The following ACBD3 variants were observed in gnomAD, a reference collection of about 807,000 sequenced individuals.
ACBD3 encodes the protein Golgi resident protein GCP60.
In ACBD3, 30 loss-of-function variants were observed where a neutral mutation model predicts 66.9. The ratio of observed to expected loss-of-function variants is 0.45; its 90% CI spans 0.34 to 0.61. The LOEUF (loss-of-function observed/expected upper bound fraction) is 0.61, where lower values mean the gene tolerates loss of function less well. ACBD3 is among the 20% of genes least tolerant of loss of function. ACBD3 has a pLI of 0.02. For synonymous variants in ACBD3, 278 were observed against 259.8 expected, an observed-to-expected ratio of 1.07 and a Z score of -0.68; for missense variants, 544 against 664.5, an observed-to-expected ratio of 0.82 and a Z score of 1.99.
intron 1 of ACBD3, among the ~76,000 whole-genome samples, chr1:226,184,027 G>A (rs755325475): frequency 2.7e-5 from 4 of 149,210 alleles, no homozygotes; most frequent in Non-Finnish European, 5.9e-5. Context: ...TCGTCTCTAC[G>A]AAAAATACAA....
intron 5 of ACBD3, 46 bp from the exon 6 acceptor site, chr1:226,154,879 C>A: frequency 3.3e-6 from 5 of 1,522,808 alleles, no homozygotes; most frequent in Non-Finnish European, 4.4e-6. Flanking sequence ...GGAAGGCTAG[C>A]AAATAAGACA....
At chr1:226,146,891 A>G (rs1659464967) in intron 7 of ACBD3, 70 bp from the exon 8 acceptor site, 1 of 1,444,786 alleles carries the variant, frequency 6.9e-7, no homozygotes. Flanking sequence ...ATTAAAATCT[A>G]TCCTTTCTTT....
intron 1 of ACBD3, among the ~76,000 whole-genome samples, chr1:226,174,086 T>C (rs988018446): frequency 1.3e-5 from 2 of 152,232 alleles, no homozygotes; most frequent in African/African-American, 4.8e-5. Flanking sequence ...TTCTAAATTA[T>C]TTCTGGTACC....
intron 6 of ACBD3, 97 bp downstream of exon 6, chr1:226,154,550 A>G (rs553087030): frequency 4.3e-6 from 6 of 1,380,144 alleles, no homozygotes; most frequent in Non-Finnish European, 5.9e-6. Context: ...CAAATATGTA[A>G]TTGTTCTCAA....
At chr1:226,167,056 A>G (rs528028613) in intron 1 of ACBD3, among the ~76,000 whole-genome samples, 1 of 152,220 alleles carries the variant, frequency 6.6e-6, no homozygotes, top group Non-Finnish European at 1.5e-5. Context: ...CAGCCTCCCA[A>G]AGTGCTGGGA....
intron 6 of ACBD3, among the ~76,000 whole-genome samples, chr1:226,153,408 C>T (rs1659614437): frequency 1.3e-5 from 2 of 152,186 alleles, no homozygotes; most frequent in Admixed American, 1.3e-4. Context: ...CATCCCTGAC[C>T]ACTGTCACTG....
chr1:226,155,250 T>G (rs755247810), intron 5 of ACBD3, among the ~76,000 whole-genome samples: 12 of 151,976 alleles, frequency 7.9e-5, no homozygotes, highest in Non-Finnish European at 1.8e-4. Flanking sequence ...AAACCCCGTC[T>G]CTACTAAAAA....
At chr1:226,181,394 G>A (rs192980068) in intron 1 of ACBD3, among the ~76,000 whole-genome samples, 10 of 152,258 alleles carry the variant, frequency 6.6e-5, no homozygotes, top group Non-Finnish European at 1.2e-4. Flanking sequence ...AAGAGGAAAT[G>A]GAACCATTTC....
chr1:226,168,893 C>G (rs1362819660), intron 1 of ACBD3, among the ~76,000 whole-genome samples: 1 of 152,220 alleles, frequency 6.6e-6, no homozygotes, highest in East Asian at 1.9e-4. Flanking sequence ...GAGTCTCGCT[C>G]TGTTGCCCAG....
Position 226,159,222 on chromosome 1 carries a change from T to C in ACBD3, c.865A>G (p.Met289Val), listed in dbSNP as rs751211310. 1 of 1,614,204 alleles carries C rather than the reference T, an allele frequency of 6.2e-7. No individual in the cohort carries two copies. Among genetic ancestry groups the C allele is most frequent in the South Asian group, 1.1e-5 (1 of 91,088 alleles). ...QLQEQHYQQY[M>V]QQLYQVQLAQ... ...AGCTGGACTTGATACAACTGCTGCA[T>C]GTACTGCTGATAGTGTTGCTCCTGC... is the stretch of plus-strand genomic sequence containing the variant. The change falls in exon 5 of 8, where the codon ATG becomes GTG. Residue 289 changes from methionine to valine, a missense_variant. This residue lies in a region of ACBD3 where 383 missense variants were observed against 462.4 expected (regional missense o/e 0.83). Coordinates refer to ENST00000366812, the MANE Select transcript of ACBD3 (RefSeq NM_022735.4).
intron 1 of ACBD3, among the ~76,000 whole-genome samples, chr1:226,169,550 G>C (rs1038327785): frequency 1.7e-5 from 2 of 117,216 alleles, no homozygotes; most frequent in Admixed American, 1.1e-4. Context: ...CGCCTGGACT[G>C]CCTGGCTATT....
At chr1:226,174,783 A>C (rs1246308648) in intron 1 of ACBD3, among the ~76,000 whole-genome samples, 2 of 151,490 alleles carry the variant, frequency 1.3e-5, no homozygotes, top group East Asian at 2.0e-4. Flanking sequence ...AACAAACAAA[A>C]AAAGAATACT....
chr1:226,159,019 T>C (rs1659723671), intron 5 of ACBD3, among the ~76,000 whole-genome samples, 165 bp downstream of exon 5: 1 of 152,230 alleles, frequency 6.6e-6, no homozygotes, highest in Non-Finnish European at 1.5e-5. Context: ...TCTCTCACAA[T>C]TGCCTGTGCA....
At chr1:226,164,626 A>C (rs1053603815) in intron 3 of ACBD3, among the ~76,000 whole-genome samples, 163 bp downstream of exon 3, 77 of 152,202 alleles carry the variant, frequency 5.1e-4, no homozygotes, top group African/African-American at 1.7e-3. Context: ...CTTATAATAC[A>C]AGTACCTGTT....
chr1:226,149,527 A>ATTT (rs1558122597), intron 7 of ACBD3, among the ~76,000 whole-genome samples: 20 of 34,174 alleles, frequency 5.9e-4, no homozygotes, highest in African/African-American at 1.1e-3. Flanking sequence ...GCGCCCAGCC[A>ATTT]TCTTTTTTTT....
chr1:226,184,497 C>G (rs940411293), intron 1 of ACBD3, among the ~76,000 whole-genome samples: 1 of 152,146 alleles, frequency 6.6e-6, no homozygotes, highest in Admixed American at 6.6e-5. Flanking sequence ...TCCTACCACT[C>G]AAGACACATG....
chr1:226,167,692 T>C (rs1243821260), intron 1 of ACBD3, among the ~76,000 whole-genome samples: 1 of 152,154 alleles, frequency 6.6e-6, no homozygotes, highest in Non-Finnish European at 1.5e-5. Flanking sequence ...AAGTAGCATA[T>C]GCTACTTATA....
intron 1 of ACBD3, among the ~76,000 whole-genome samples, chr1:226,173,041 G>A (rs1163684999): frequency 6.6e-6 from 1 of 152,114 alleles, no homozygotes; most frequent in Non-Finnish European, 1.5e-5. Context: ...TAGGGCAGGT[G>A]GATTGCTTGA....
chr1:226,160,095 C>CTTT (rs199846671), intron 4 of ACBD3, among the ~76,000 whole-genome samples: 6 of 143,174 alleles, frequency 4.2e-5, no homozygotes, highest in Admixed American at 7.0e-5. Context: ...CATGCTTCTT[C>CTTT]TTTTTTTTTT....
Sources: allele counts gnomAD v4.1 joint callset (sites outside exome capture counted in the v4.1 genomes callset), GRCh38; gene constraint gnomAD v4.1.1; regional missense constraint gnomAD v4.1.1; transcripts MANE v1.5; gene names NCBI Gene and HGNC (gene_info 2026-07-23, HGNC 2026-07-21).